The following BCL11A variants were observed in gnomAD, a reference collection of about 807,000 sequenced individuals.
BCL11A encodes B cell CLL/lymphoma 11A.
BCL11A carries 2 observed loss-of-function variants against 55.9 expected under a neutral mutation model. The observed-to-expected ratio is 0.04, with a 90% CI of 0.01 to 0.11. The LOEUF is 0.11. Among genes scored for constraint, BCL11A ranks in the 10% least tolerant of loss-of-function variants. The pLI is 1.00. For synonymous variants in BCL11A, 465 were observed against 473.4 expected (o/e 0.98, Z 0.23); for missense variants, 817 against 1,137.1 (o/e 0.72, Z 4.05).
In BCL11A at chr2:60,459,458, T is replaced by A. The variant is rs549294990; in HGVS notation, c.*946A>T. 3.4e-4 allele frequency: 347 copies of A among 1,021,490 alleles called. No homozygotes were observed. The highest frequency in any genetic ancestry group is 3.8e-4 in the Non-Finnish European group (322 of 851,032). 63.3% of individuals were successfully genotyped at this position (1,021,490 alleles called of 1,614,324 possible). On this transcript the variant is annotated 3_prime_UTR_variant, in exon 4 of 4. Coordinates refer to ENST00000642384, the MANE Select transcript of BCL11A (RefSeq NM_022893.4). ...CTCACCAGGAGCAAAGTAGCTTTTA[T>A]ACTGGTATAATCAGTTTTGTTTATA...
At chr2:60,532,328 GTT>G (rs546467088) in intron 2 of BCL11A, among the ~76,000 whole-genome samples, 6 of 139,142 alleles carry the variant, frequency 4.3e-5, no homozygotes, top group African/African-American at 1.6e-4. Context: ...TGGTTTTTGG[GTT>G]TTTTTTTTTT....
chr2:60,512,556 G>A (rs1680045870), intron 2 of BCL11A, among the ~76,000 whole-genome samples: 1 of 152,180 alleles, frequency 6.6e-6, no homozygotes, highest in South Asian at 2.1e-4. Context: ...GAGAGTACAT[G>A]CTCAACAAAT....
chr2:60,516,293 C>T (rs1668724889), intron 2 of BCL11A, among the ~76,000 whole-genome samples: 1 of 152,164 alleles, frequency 6.6e-6, no homozygotes, highest in East Asian at 1.9e-4. Flanking sequence ...TATTAAAACA[C>T]AGGTTTTGCT....
downstream of BCL11A, chr2:60,450,912 C>T (rs1675700889): frequency 6.4e-6 from 1 of 156,118 alleles, no homozygotes; most frequent in African/African-American, 2.4e-5. Context: ...ACATTTATGA[C>T]TTATGTGCTA....
chr2:60,531,147 C>T (rs1669438167), intron 2 of BCL11A, among the ~76,000 whole-genome samples: 1 of 151,814 alleles, frequency 6.6e-6, no homozygotes, highest in South Asian at 2.1e-4. Context: ...CTCCTGGCAA[C>T]CTCAGAAATT....
chr2:60,460,929 G>C lies in BCL11A; in HGVS notation c.1983C>G (p.Ala661=). Residue 661 remains alanine (A), a synonymous_variant, in exon 4 of 4, where the codon GCC becomes GCG. Coordinates refer to ENST00000642384, the MANE Select transcript of BCL11A (RefSeq NM_022893.4). Reference sequence around the variant, plus strand: ...TGAGCTGCCTGGAGGCCGCGTAGCCGGCGAGCCACTGCGAGTACACGTTCT... The same window carrying C: ...TGAGCTGCCTGGAGGCCGCGTAGCCCGCGAGCCACTGCGAGTACACGTTCT... ...NTENVYSQWL[A]GYAASRQLKD... is the part of the protein sequence containing the mutation. 6.2e-7 allele frequency: 1 copy of C among 1,612,840 alleles called. No homozygotes were observed. Among genetic ancestry groups the C allele is most frequent in the Non-Finnish European group, 8.5e-7 (1 of 1,180,012 alleles).
chr2:60,495,617 G>A (rs1271382402), intron 2 of BCL11A: 3 of 152,288 alleles, frequency 2.0e-5, no homozygotes, highest in African/African-American at 7.2e-5. Context: ...GTGGGGTGCA[G>A]ACATTCTCTG....
intron 3 of BCL11A, among the ~76,000 whole-genome samples, chr2:60,465,884 C>T (rs557021492): frequency 2.0e-5 from 3 of 152,312 alleles, no homozygotes; most frequent in African/African-American, 7.2e-5. Flanking sequence ...AGAGGAAGGT[C>T]CCAGTCCAGG....
intron 2 of BCL11A, among the ~76,000 whole-genome samples, chr2:60,473,575 TAAC>T (rs1292266311): frequency 2.0e-5 from 3 of 152,178 alleles, no homozygotes; most frequent in Non-Finnish European, 4.4e-5. Context: ...GCCACACAAA[TAAC>T]AACAGTGCAG....
Position 60,468,736 on chromosome 2 carries a change from A to T in BCL11A, c.483T>A (p.Gly161=). The part of the protein sequence containing the change: ...PGMSAEYAPQ[G]ICKDEPSSYT... ...AAGAAATAAGGCTCAACTTACAAAT[A>T]CCCTGCGGGGCATATTCTGCACTCA... Residue 161 remains glycine, a synonymous_variant, in exon 3 of 4, where the codon GGT becomes GGA. Coordinates refer to ENST00000642384, the MANE Select transcript of BCL11A (RefSeq NM_022893.4). 1 of 1,610,064 alleles carries T rather than the reference A, an allele frequency of 6.2e-7. No individual in the cohort carries two copies. The highest frequency in any genetic ancestry group is 8.5e-7 in the Non-Finnish European group (1 of 1,176,720).
chr2:60,488,127 C>A (rs1363099339), intron 2 of BCL11A, among the ~76,000 whole-genome samples: 1 of 152,222 alleles, frequency 6.6e-6, no homozygotes, highest in Non-Finnish European at 1.5e-5. Flanking sequence ...TTTAAATTAT[C>A]CTGGAAGAGT....
chr2:60,503,914 T>C (rs1679429837), intron 2 of BCL11A, among the ~76,000 whole-genome samples: 1 of 152,066 alleles, frequency 6.6e-6, no homozygotes, highest in Non-Finnish European at 1.5e-5. Flanking sequence ...GCTTCGTTGA[T>C]TCTAGAAAAA....
intron 2 of BCL11A, chr2:60,536,653 A>G (rs1669681106): frequency 6.6e-6 from 1 of 152,242 alleles, no homozygotes; most frequent in Non-Finnish European, 1.5e-5. Context: ...ACTGCCTTCA[A>G]GTGATTTTCC....
At chr2:60,509,739 GGC>G (rs1679878090) in intron 2 of BCL11A, among the ~76,000 whole-genome samples, 1 of 152,048 alleles carries the variant, frequency 6.6e-6, no homozygotes, top group Non-Finnish European at 1.5e-5. Context: ...CTCAGCTATA[GGC>G]AGTCAACTGG....
In BCL11A at chr2:60,464,513, T is replaced by G. The variant is rs373639510; in HGVS notation, c.488-2089A>C. Among the ~76,000 whole-genome samples the G allele has an allele frequency of 2.0e-5, 3 of 152,304 alleles. No homozygotes were observed. In the East Asian group the frequency reaches 5.8e-4, roughly 29 times the overall value. ...TTCCTATTTAGCCTGACGATCTGAG[T>G]TGGGCAAGTAAAAAGATTTGTCTGA... On this transcript the variant is annotated intron_variant, in intron 3 of 3. Coordinates refer to ENST00000642384, the MANE Select transcript of BCL11A (RefSeq NM_022893.4).
At chr2:60,485,555 T>A (rs549630978) in intron 2 of BCL11A, among the ~76,000 whole-genome samples, 2 of 152,316 alleles carry the variant, frequency 1.3e-5, no homozygotes, top group Admixed American at 1.3e-4. Context: ...GAAAACAATG[T>A]GTAAAGTGGC....
intron 2 of BCL11A, among the ~76,000 whole-genome samples, chr2:60,489,694 C>A (rs111417594): frequency 1.3e-5 from 2 of 152,198 alleles, no homozygotes; most frequent in African/African-American, 4.8e-5. Flanking sequence ...TTTCCTTGTT[C>A]CCTGGCTCAT....
At chr2:60,553,784 G>C (rs1670520924), upstream of BCL11A, 1 of 149,264 alleles carries the variant, frequency 6.7e-6, no homozygotes, top group Non-Finnish European at 1.5e-5. Flanking sequence ...TGCGGGGAGG[G>C]GGAGGTGCGG....
intron 2 of BCL11A, 90 bp downstream of exon 2, chr2:60,545,881 G>C: frequency 1.9e-6 from 2 of 1,045,592 alleles, no homozygotes; most frequent in Non-Finnish European, 2.9e-6. Context: ...AATAGAGAAA[G>C]CACTTCACAA....
Sources: gnomAD v4.1 joint callset for allele counts (sites outside exome capture counted in the v4.1 genomes callset) on GRCh38, gnomAD v4.1.1 for gene constraint, MANE v1.5 for transcripts, NCBI Gene and HGNC (gene_info 2026-07-23, HGNC 2026-07-21) for gene names.